Variants in MSRA observed in about 807,000 individuals in gnomAD.
MSRA encodes the protein methionine sulfoxide reductase A.
A neutral mutation model predicts 31.3 loss-of-function variants in MSRA; 54 were observed. The ratio of observed to expected loss-of-function variants is 1.73; its 90% CI spans 1.39 to 2.17. The LOEUF is 2.17. MSRA is among the 30% of genes most tolerant of loss of function. The probability of loss-of-function intolerance (pLI) is 0.00; values close to 1 mark genes in which losing one functional copy is unlikely to be tolerated. For missense variants in MSRA, 507 were observed against 300.9 expected, an observed-to-expected ratio of 1.69 and a Z score of -5.07; for synonymous variants, 169 against 116.5, an observed-to-expected ratio of 1.45 and a Z score of -2.90.
chr8:10,071,014 C>G (rs930689907), intron 1 of MSRA, among the ~76,000 whole-genome samples: 1 of 152,088 alleles, frequency 6.6e-6, no homozygotes, highest in South Asian at 2.1e-4. Flanking sequence ...GAGTAAGTGC[C>G]CAGGAGTGCA....
intron 1 of MSRA, among the ~76,000 whole-genome samples, chr8:10,107,668 A>G (rs1292725967): frequency 6.6e-6 from 1 of 152,230 alleles, no homozygotes; most frequent in Non-Finnish European, 1.5e-5. Context: ...ATAAAGAAAA[A>G]TGAGTTTTAC....
At chr8:10,367,762 C>T (rs1805251304) in intron 5 of MSRA, among the ~76,000 whole-genome samples, 1 of 152,222 alleles carries the variant, frequency 6.6e-6, no homozygotes, top group Non-Finnish European at 1.5e-5. Flanking sequence ...GTGTTGTGCT[C>T]AGCACTGGAG....
At chr8:10,181,453 A>C (rs1221021655) in intron 1 of MSRA, among the ~76,000 whole-genome samples, 2 of 152,036 alleles carry the variant, frequency 1.3e-5, no homozygotes, top group Non-Finnish European at 2.9e-5. Flanking sequence ...TAAAAAAAAA[A>C]AAAACAATGG....
At chr8:10,108,360 C>G (rs887652292) in intron 1 of MSRA, among the ~76,000 whole-genome samples, 21 of 152,154 alleles carry the variant, frequency 1.4e-4, no homozygotes, top group Non-Finnish European at 1.5e-5. Flanking sequence ...AGGTACCACC[C>G]TAGTGGCTGA....
intron 2 of MSRA, among the ~76,000 whole-genome samples, chr8:10,228,604 G>GACC (rs1048657196): frequency 1.3e-5 from 2 of 152,200 alleles, no homozygotes; most frequent in African/African-American, 4.8e-5. Context: ...GGTCCACAGA[G>GACC]ACCAGCTTCT....
At chr8:10,295,306 G>C (rs1800473111) in intron 3 of MSRA, among the ~76,000 whole-genome samples, 1 of 152,062 alleles carries the variant, frequency 6.6e-6, no homozygotes, top group Non-Finnish European at 1.5e-5. Flanking sequence ...AACCTGCTGG[G>C]GGACCGTCGC....
At chr8:10,411,927 G>A (rs147860512) in intron 5 of MSRA, among the ~76,000 whole-genome samples, 11 of 152,326 alleles carry the variant, frequency 7.2e-5, no homozygotes, top group African/African-American at 2.6e-4. Context: ...ACCGCCCCTG[G>A]GAAGGGAAAG....
intron 5 of MSRA, among the ~76,000 whole-genome samples, chr8:10,331,722 T>G (rs912564355): frequency 6.6e-5 from 10 of 152,354 alleles, no homozygotes; most frequent in Admixed American, 4.6e-4. Flanking sequence ...CTGATGATGC[T>G]TAATCCCTTA....
At chr8:10,328,054 G>GTTTTTTTTCTTTT (rs1563356091) in intron 5 of MSRA, among the ~76,000 whole-genome samples, 1 of 58,946 alleles carries the variant, frequency 1.7e-5, no homozygotes, top group African/African-American at 8.9e-5. Context: ...TTTTTTTTTA[G>GTTTTTTTTCTTTT]TATCAGTGAC....
chr8:10,349,335 C>T (rs533407794), intron 5 of MSRA, among the ~76,000 whole-genome samples: 8 of 152,242 alleles, frequency 5.3e-5, no homozygotes, highest in East Asian at 3.9e-4. Flanking sequence ...GTTTCTGCTC[C>T]GCCGTGCTCT....
intron 5 of MSRA, among the ~76,000 whole-genome samples, chr8:10,414,090 C>T (rs1808317388): frequency 6.6e-6 from 1 of 152,020 alleles, no homozygotes; most frequent in African/African-American, 2.4e-5. Flanking sequence ...TCGCTTGAGC[C>T]TAGGAGTTTG....
intron 5 of MSRA, among the ~76,000 whole-genome samples, chr8:10,359,314 C>T (rs1041518284): frequency 6.6e-6 from 1 of 152,134 alleles, no homozygotes; most frequent in East Asian, 1.9e-4. Context: ...AAAAAAGATA[C>T]CTTTTGCACC....
intron 1 of MSRA, among the ~76,000 whole-genome samples, chr8:10,102,446 G>A (rs12550244): frequency 0.27 from 41,711 of 151,788 alleles, 5,878 homozygotes; most frequent in South Asian, 0.42. Flanking sequence ...TTTTAATTTC[G>A]GTTATTTTAT....
chr8:10,238,741 C>A (rs1311996626), intron 2 of MSRA, among the ~76,000 whole-genome samples: 1 of 151,984 alleles, frequency 6.6e-6, no homozygotes, highest in East Asian at 1.9e-4. Flanking sequence ...CCCACCTCAC[C>A]CCCTACATAA....
intron 5 of MSRA, among the ~76,000 whole-genome samples, chr8:10,397,957 C>T (rs1446294277): frequency 6.6e-6 from 1 of 152,164 alleles, no homozygotes; most frequent in African/African-American, 2.4e-5. Flanking sequence ...ATGTGAAAAG[C>T]CTTGAACTTG....
intron 1 of MSRA, among the ~76,000 whole-genome samples, chr8:10,152,683 A>G (rs1803806495): frequency 6.6e-6 from 1 of 152,206 alleles, no homozygotes; most frequent in Non-Finnish European, 1.5e-5. Context: ...AGCGCTGCCC[A>G]TTCTGAAGGA....
intron 5 of MSRA, among the ~76,000 whole-genome samples, chr8:10,321,670 T>C (rs1802049408): frequency 6.6e-6 from 1 of 152,202 alleles, no homozygotes; most frequent in Non-Finnish European, 1.5e-5. Context: ...TGGCTCGTAT[T>C]GTGAAAACTC....
intron 1 of MSRA, among the ~76,000 whole-genome samples, chr8:10,190,720 A>T (rs1011684311): frequency 2.0e-5 from 3 of 152,198 alleles, no homozygotes; most frequent in African/African-American, 7.2e-5. Context: ...CTGAATGGTT[A>T]TCCAAAAATT....
intron 3 of MSRA, among the ~76,000 whole-genome samples, chr8:10,269,779 G>C (rs895993183): frequency 6.6e-5 from 10 of 152,200 alleles, no homozygotes; most frequent in African/African-American, 2.4e-4. Context: ...AGCCTCCTGA[G>C]TAGCTGGGAC....
Sources: allele counts gnomAD v4.1 joint callset (sites outside exome capture counted in the v4.1 genomes callset), GRCh38; gene constraint gnomAD v4.1.1; transcripts MANE v1.5; gene names NCBI Gene and HGNC (gene_info 2026-07-23, HGNC 2026-07-21).